Variants in KMT2C observed in about 807,000 individuals in gnomAD.
KMT2C encodes the protein lysine methyltransferase 2C.
Under a neutral mutation model 507.9 loss-of-function variants are expected in KMT2C, and 88 were observed. The ratio of observed to expected loss-of-function variants is 0.17; its 90% confidence interval spans 0.15 to 0.21. The LOEUF (loss-of-function observed/expected upper bound fraction) is 0.21, where lower values mean the gene tolerates loss of function less well. Among genes scored for constraint, KMT2C ranks in the 10% least tolerant of loss-of-function variants. The pLI is 1.00. For synonymous variants in KMT2C, 2,049 were observed against 2,080.8 expected, an observed-to-expected ratio of 0.98 and a Z score of 0.42; for missense variants, 4,954 against 5,957.8, an observed-to-expected ratio of 0.83 and a Z score of 5.55.
Position 152,146,622 on chromosome 7 carries a change from C to T in KMT2C, c.14008G>A (p.Ala4670Thr). 6 of 1,614,178 alleles carry T rather than the reference C, an allele frequency of 3.7e-6. No homozygotes were observed. The highest frequency in any genetic ancestry group is 4.2e-6 in the Non-Finnish European group (5 of 1,180,014). The change falls in exon 53 of 59, where the codon GCA becomes ACA. Residue 4670 changes from alanine to threonine, a missense_variant. Coordinates refer to ENST00000262189, the MANE Select transcript of KMT2C (RefSeq NM_170606.3). Reference sequence around the variant, plus strand: ...ACTGATTCCGCTATGCGTGCCACTGCAGAGACGGTCAGGCCAAACAGATCC... The same window carrying T: ...ACTGATTCCGCTATGCGTGCCACTGTAGAGACGGTCAGGCCAAACAGATCC... ...GEDLFGLTVS[A>T]VARIAESLPG... is the part of the protein sequence containing the mutation.
intron 10 of KMT2C, among the ~76,000 whole-genome samples, 162 bp from the exon 11 acceptor site, chr7:152,252,252 T>A (rs2095574286): frequency 6.6e-6 from 1 of 152,204 alleles, no homozygotes; most frequent in African/African-American, 2.4e-5. Context: ...TAAAGCACAT[T>A]TGTGCATGTC....
At chr7:152,217,240 T>A (rs1232090686) in intron 23 of KMT2C, among the ~76,000 whole-genome samples, 1 of 152,210 alleles carries the variant, frequency 6.6e-6, no homozygotes, top group African/African-American at 2.4e-5. Context: ...ATGATTGTAT[T>A]CTTTCCCTAT....
intron 16 of KMT2C, among the ~76,000 whole-genome samples, chr7:152,231,101 G>GT (rs2095094627): frequency 6.6e-6 from 1 of 152,194 alleles, no homozygotes; most frequent in Non-Finnish European, 1.5e-5. Context: ...TGGTTACTAG[G>GT]AAGTTTTAAA....
At chr7:152,262,569 T>C (rs552133302) in intron 9 of KMT2C, among the ~76,000 whole-genome samples, 1 of 152,292 alleles carries the variant, frequency 6.6e-6, no homozygotes, top group South Asian at 2.1e-4. Flanking sequence ...CACCAACAGG[T>C]GATTCAATAC....
intron 9 of KMT2C, among the ~76,000 whole-genome samples, chr7:152,259,487 C>G (rs867734777): frequency 0.033 from 4,387 of 132,164 alleles, 228 homozygotes; most frequent in African/African-American, 0.12. Flanking sequence ...CACACACACA[C>G]ACAGAGAAAG....
intron 2 of KMT2C, among the ~76,000 whole-genome samples, chr7:152,341,617 CTA>C (rs1369133260): frequency 4.6e-5 from 7 of 152,082 alleles, no homozygotes; most frequent in African/African-American, 1.7e-4. Context: ...AGTGCCAGAA[CTA>C]TTTGACAGAC....
At chr7:152,334,644 AG>A (rs1182099517) in intron 2 of KMT2C, among the ~76,000 whole-genome samples, 27 of 152,042 alleles carry the variant, frequency 1.8e-4, no homozygotes, top group Non-Finnish European at 1.5e-5. Flanking sequence ...ATCATCTAAA[AG>A]GAAGTGAGCT....
rs114419085 is a variant in KMT2C, at chr7:152,248,418, T to A, written c.2016A>T (p.Glu672Asp). ...CTTCTCTGGATACCACTGTTTCAGG[T>A]TCCTCTAACAACTGCAGTTGTTCTT... is the stretch of plus-strand genomic sequence containing the variant. Reference protein sequence around the residue: ...VQQEQLQLLEEPETVVSREES... With the variant: ...VQQEQLQLLEDPETVVSREES... The change falls in exon 14 of 59, where the codon GAA becomes GAT. Residue 672 changes from glutamate to aspartate, a missense_variant. Coordinates refer to ENST00000262189, the MANE Select transcript of KMT2C (RefSeq NM_170606.3). 696 of 1,614,110 alleles carry A rather than the reference T, an allele frequency of 4.3e-4. 6 individuals are homozygous for A. In the African/African-American group the frequency reaches 7.7e-3, roughly 18 times the overall value.
At chr7:152,345,248 A>ATT (rs200953706) in intron 2 of KMT2C, among the ~76,000 whole-genome samples, 9 of 149,454 alleles carry the variant, frequency 6.0e-5, no homozygotes, top group African/African-American at 1.7e-4. Context: ...CAAAAAAACT[A>ATT]TTTTTTTTTT....
intron 55 of KMT2C, among the ~76,000 whole-genome samples, 196 bp from the exon 56 acceptor site, chr7:152,139,987 T>C (rs1363841951): frequency 6.6e-6 from 1 of 152,250 alleles, no homozygotes; most frequent in Non-Finnish European, 1.5e-5. Flanking sequence ...ATGCCATCAC[T>C]AGCTTATTCC....
Position 152,330,724 on chromosome 7 carries a change from G to A in KMT2C, c.266C>T (p.Ser89Phe), listed in dbSNP as rs2096874397. The change falls in exon 3 of 59, where the codon TCT (serine) becomes TTT (phenylalanine). Residue 89 changes from serine to phenylalanine, a missense_variant. By Grantham distance (155) the Ser-to-Phe change is radical. Around this residue, in one of 29 missense-constraint regions of KMT2C, gnomAD observed 233 missense variants for 263.6 expected, o/e 0.88. Coordinates refer to ENST00000262189, the MANE Select transcript of KMT2C (RefSeq NM_170606.3). ...TIVETEIKEQ[S>F]AEEDAEAEVD... Reference sequence around the variant, plus strand: ...TTCTGCTTCAGCATCCTCTTCTGCAGATTGTTCTTTGATTTCTGCTTAACA... The same window carrying A: ...TTCTGCTTCAGCATCCTCTTCTGCAAATTGTTCTTTGATTTCTGCTTAACA... 1 of 1,613,906 alleles carries A rather than the reference G, an allele frequency of 6.2e-7. No individual in the cohort carries two copies. The highest frequency in any genetic ancestry group is 2.2e-5 in the East Asian group (1 of 44,874).
intron 3 of KMT2C, among the ~76,000 whole-genome samples, chr7:152,319,391 T>A (rs188547967): frequency 7.7e-4 from 117 of 152,080 alleles, no homozygotes; most frequent in Non-Finnish European, 1.4e-3. Flanking sequence ...GGGGACATAG[T>A]GAGAAGTGAC....
chr7:152,366,575 T>C lies in KMT2C; in HGVS notation c.162-7900A>G, dbSNP rs546660707. ...TCAGAGACGGAAAGTGGAACGGTGG[T>C]TGCCAGAGGCTGAGAGAAGGGAGAA... is the stretch of plus-strand genomic sequence containing the variant. On this transcript the variant is annotated intron_variant, in intron 1 of 58. Coordinates refer to ENST00000262189, the MANE Select transcript of KMT2C (RefSeq NM_170606.3). 1.6e-4 allele frequency among the ~76,000 whole-genome samples: 24 copies of C among 152,324 alleles called. No individual in the cohort carries two copies. In the East Asian group the frequency reaches 4.1e-3, roughly 26 times the overall value.
chr7:152,218,295 C>G (rs982305710), intron 23 of KMT2C, among the ~76,000 whole-genome samples: 3 of 152,110 alleles, frequency 2.0e-5, no homozygotes, highest in African/African-American at 7.2e-5. Flanking sequence ...TCCCGAGTAG[C>G]TGGGATTACA....
At chr7:152,354,614 C>A (rs2097138474) in intron 2 of KMT2C, among the ~76,000 whole-genome samples, 1 of 152,146 alleles carries the variant, frequency 6.6e-6, no homozygotes, top group South Asian at 2.1e-4. Context: ...AAAACTGTAA[C>A]TGAGTAGAGA....
chr7:152,255,548 C>T (rs2095646917), intron 9 of KMT2C, among the ~76,000 whole-genome samples: 1 of 151,930 alleles, frequency 6.6e-6, no homozygotes, highest in Non-Finnish European at 1.5e-5. Flanking sequence ...AAAGTTTATA[C>T]AGAAAAACAA....
At position 152,159,029 on chromosome 7, in the gene KMT2C, T is replaced by C; in HGVS notation, c.11504A>G (p.Asn3835Ser). ...TCCTCCATCTGTTTTTGGCAACTGG[T>C]TGCCACATCCAAAACCACCTTGCAT... ...AQMQGGFGCGNQLPKTDGGSE... is the reference protein window; with the variant it reads ...AQMQGGFGCGSQLPKTDGGSE... The change falls in exon 44 of 59, where the codon AAC becomes AGC. Residue 3835 changes from asparagine (N) to serine (S), a missense_variant. Asn to Ser is a conservative substitution (Grantham distance 46). Transcript: ENST00000262189. 2 of 1,614,202 alleles carry C rather than the reference T, an allele frequency of 1.2e-6. No individual in the cohort carries two copies. The highest frequency in any genetic ancestry group is 1.7e-6 in the Non-Finnish European group (2 of 1,180,036).
chr7:152,256,732 T>G (rs970654980), intron 9 of KMT2C, among the ~76,000 whole-genome samples: 2 of 152,008 alleles, frequency 1.3e-5, no homozygotes. Context: ...CGAGAAGAAA[T>G]TAAAACTGAC....
At chr7:152,384,557 C>T (rs1314954412) in intron 1 of KMT2C, among the ~76,000 whole-genome samples, 3 of 96,902 alleles carry the variant, frequency 3.1e-5, no homozygotes, top group African/African-American at 6.1e-5. Context: ...AACACCACCA[C>T]CACCACCACC....
Sources: allele counts gnomAD v4.1 joint callset (sites outside exome capture counted in the v4.1 genomes callset), GRCh38; gene constraint gnomAD v4.1.1; regional missense constraint gnomAD v4.1.1; transcripts MANE v1.5; gene names NCBI Gene and HGNC (gene_info 2026-07-23, HGNC 2026-07-21).